PRR5: variants seen among roughly 807,000 people sequenced by gnomAD.
The protein encoded by PRR5 is proline rich 5, also known as proline-rich protein 5.
Under a neutral mutation model 30.6 loss-of-function variants are expected in PRR5, and 25 were observed. The observed-to-expected ratio is 0.82, with a 90% confidence interval of 0.60 to 1.14. PRR5 has a LOEUF of 1.14. Ranked by LOEUF, PRR5 falls within the 50% of genes most tolerant of loss-of-function variation. The probability of loss-of-function intolerance (pLI) is 0.00; values close to 1 mark genes in which losing one functional copy is unlikely to be tolerated. For synonymous variants in PRR5, 286 were observed against 247.1 expected, an observed-to-expected ratio of 1.16 and a Z score of -1.48; for missense variants, 600 against 547.1, an observed-to-expected ratio of 1.10 and a Z score of -0.96.
At chr22:44,669,031 C>T (rs1215614443) in intron 1 of PRR5, among the ~76,000 whole-genome samples, 1 of 151,564 alleles carries the variant, frequency 6.6e-6, no homozygotes, top group South Asian at 2.1e-4. Context: ...GGGCGGCCCC[C>T]TTGGGTGAAG....
chr22:44,735,038 G>A lies in PRR5; in HGVS notation c.567G>A (p.Glu189=). Residue 189 remains glutamate (E), a synonymous_variant, in exon 7 of 8, where the codon GAG becomes GAA. Coordinates refer to ENST00000336985, the MANE Select transcript of PRR5 (RefSeq NM_181333.4). ...CCACTCTCCTGCAGGGGGTACATGA[G>A]TCCAGGGGCGTGACTGAGGACTACC... ...QMLLVLQGVH[E]SRGVTEDYLR... The A allele has an allele frequency of 6.2e-7, 1 of 1,612,782 alleles. No homozygotes were observed.
chr22:44,732,979 C>T lies in PRR5; in HGVS notation c.555+588C>T, dbSNP rs1922478066. ...TACGCGTGCACACGCATACACACTA[C>T]ACACATACATGTGCGCGCACACATA... On this transcript the variant is annotated intron_variant, in intron 6 of 7. Transcript: ENST00000336985. Among the ~76,000 whole-genome samples the T allele has an allele frequency of 2.8e-5, 4 of 144,104 alleles. No homozygotes were observed. In the South Asian group the frequency reaches 8.5e-4, roughly 31 times the overall value. 94.5% of individuals were successfully genotyped at this position (144,104 alleles called of 152,430 possible). A position where few individuals can be genotyped will look rare whatever the true frequency, so the allele number is the denominator to read the frequency against.
At chr22:44,731,574 C>A in intron 4 of PRR5, 156 bp from the exon 5 acceptor site, 1 of 691,024 alleles carries the variant, frequency 1.4e-6, no homozygotes, top group Non-Finnish European at 2.6e-6. Flanking sequence ...CATAGAACAG[C>A]TGAGCTGTGG....
At chr22:44,710,426 CA>C (rs1268222487) in intron 1 of PRR5, among the ~76,000 whole-genome samples, 3 of 152,148 alleles carry the variant, frequency 2.0e-5, no homozygotes, top group Non-Finnish European at 4.4e-5. Flanking sequence ...GGAGGCGGTC[CA>C]CATCTGGACA....
chr22:44,725,989 G>A lies in PRR5; in HGVS notation c.265-588G>A, dbSNP rs189625543. On this transcript the variant is annotated intron_variant, in intron 3 of 7. Coordinates refer to ENST00000336985, the MANE Select transcript of PRR5 (RefSeq NM_181333.4). ...CAATTCTGTACATTTCATATTGGTG[G>A]CATAACACGGCCTGCGGACTTTTGT... 1.3e-3 allele frequency among the ~76,000 whole-genome samples: 196 copies of A among 152,324 alleles called. 3 individuals carry two copies. The highest frequency in any genetic ancestry group is 4.4e-3 in the African/African-American group (182 of 41,568).
chr22:44,718,893 C>T (rs1203400207), intron 2 of PRR5, among the ~76,000 whole-genome samples: 1 of 152,096 alleles, frequency 6.6e-6, no homozygotes, highest in Non-Finnish European at 1.5e-5. Flanking sequence ...TATTGTGGAT[C>T]TAGAGTCTGT....
intron 2 of PRR5, among the ~76,000 whole-genome samples, chr22:44,718,192 CTTTTTTTTTTT>C (rs34868054): frequency 1.1e-5 from 1 of 94,578 alleles, no homozygotes; most frequent in Admixed American, 1.5e-4. Flanking sequence ...TTTCATCTCT[CTTTTTTTTTTT>C]TTTTTTTTTG....
upstream of PRR5, among the ~76,000 whole-genome samples, chr22:44,700,450 C>T (rs535102194): frequency 3.3e-5 from 5 of 152,214 alleles, no homozygotes; most frequent in East Asian, 5.8e-4. Context: ...GCGACAAGAG[C>T]GAAACGCCAT....
chr22:44,719,946 G>A (rs561838308), intron 2 of PRR5, among the ~76,000 whole-genome samples: 328 of 152,300 alleles, frequency 2.2e-3, no homozygotes, highest in Non-Finnish European at 3.9e-3. Flanking sequence ...TCTCTCTTGA[G>A]GCTGACATCC....
At chr22:44,688,501 T>A (rs1924958511) in intron 1 of PRR5, among the ~76,000 whole-genome samples, 1 of 152,130 alleles carries the variant, frequency 6.6e-6, no homozygotes, top group African/African-American at 2.4e-5. Flanking sequence ...GGAACCCAGC[T>A]CCATCGGCAA....
In PRR5 at chr22:44,712,837, G is replaced by A. The variant is rs894557497; in HGVS notation, c.135-1754G>A. 2.0e-5 allele frequency among the ~76,000 whole-genome samples: 3 copies of A among 152,206 alleles called. No homozygotes were observed. In the South Asian group the frequency reaches 6.2e-4, roughly 32 times the overall value. On this transcript the variant is annotated intron_variant, in intron 1 of 7. Transcript: ENST00000336985. ...TACCCAGACCTGGTTCTCACCCTGAGGACCTCGTGGCCAGCAGCGGGCACT... is the reference window on the plus strand; with the variant it reads ...TACCCAGACCTGGTTCTCACCCTGAAGACCTCGTGGCCAGCAGCGGGCACT...
intron 1 of PRR5, among the ~76,000 whole-genome samples, chr22:44,709,990 G>A (rs889332632): frequency 4.6e-5 from 7 of 152,168 alleles, no homozygotes; most frequent in South Asian, 2.1e-4. Context: ...CTTTTCTCAC[G>A]TGTGTGGTGG....
At chr22:44,714,502 GGA>G in intron 1 of PRR5, 87 bp from the exon 2 acceptor site, 1 of 1,539,544 alleles carries the variant, frequency 6.5e-7, no homozygotes. Context: ...TGCCCTTCTA[GGA>G]GAGAGGGAAA....
chr22:44,719,660 C>G (rs1403586851), intron 2 of PRR5, among the ~76,000 whole-genome samples: 1 of 152,178 alleles, frequency 6.6e-6, no homozygotes, highest in Non-Finnish European at 1.5e-5. Context: ...AGTCTCTCTT[C>G]TAGCGTCCCA....
At chr22:44,711,765 A>G (rs1928275554) in intron 1 of PRR5, among the ~76,000 whole-genome samples, 1 of 152,142 alleles carries the variant, frequency 6.6e-6, no homozygotes, top group African/African-American at 2.4e-5. Flanking sequence ...GTGTGGGGAC[A>G]GTGGCCAGGA....
At chr22:44,711,998 G>C (rs187276339) in intron 1 of PRR5, among the ~76,000 whole-genome samples, 59 of 152,208 alleles carry the variant, frequency 3.9e-4, no homozygotes, top group African/African-American at 1.4e-3. Flanking sequence ...GAAAATGGGG[G>C]CAGGGGGCAG....
chr22:44,708,946 G>A (rs1457399463), intron 1 of PRR5, among the ~76,000 whole-genome samples: 2 of 126,444 alleles, frequency 1.6e-5, no homozygotes, highest in Non-Finnish European at 3.2e-5. Context: ...CAGCCTGGGG[G>A]ACAGAGTGAG....
intron 1 of PRR5, among the ~76,000 whole-genome samples, chr22:44,711,049 AGCAG>A (rs1928143091): frequency 6.7e-6 from 1 of 148,640 alleles, no homozygotes; most frequent in Non-Finnish European, 1.5e-5. Flanking sequence ...CCACAGAGGG[AGCAG>A]GCAGGGGTGG....
chr22:44,685,167 G>A (rs1306539013), intron 1 of PRR5, among the ~76,000 whole-genome samples: 3 of 152,154 alleles, frequency 2.0e-5, no homozygotes, highest in African/African-American at 2.4e-5. Context: ...GCCCCAGGTC[G>A]GAGGGTAGAT....
Sources: gnomAD v4.1 joint callset for allele counts (sites outside exome capture counted in the v4.1 genomes callset) on GRCh38, gnomAD v4.1.1 for gene constraint, MANE v1.5 for transcripts, NCBI Gene and HGNC (gene_info 2026-07-23, HGNC 2026-07-21) for gene names.